Variants in MACROD2 observed in about 807,000 individuals in gnomAD.
MACROD2 encodes mono-ADP ribosylhydrolase 2, also known as ADP-ribose glycohydrolase MACROD2.
A neutral mutation model predicts 70.4 loss-of-function variants in MACROD2; 36 were observed. The observed-to-expected ratio is 0.51, with a 90% confidence interval of 0.39 to 0.68. MACROD2 has a LOEUF of 0.68. MACROD2 is among the 30% of genes least tolerant of loss of function. The probability of loss-of-function intolerance (pLI) is 0.00; values close to 1 mark genes in which losing one functional copy is unlikely to be tolerated. For missense variants in MACROD2, 496 were observed against 538.4 expected, an observed-to-expected ratio of 0.92 and a Z score of 0.78; for synonymous variants, 172 against 178.8, an observed-to-expected ratio of 0.96 and a Z score of 0.30.
At chr20:15,988,322 A>G (rs1427278370) in intron 15 of MACROD2, among the ~76,000 whole-genome samples, 1 of 152,176 alleles carries the variant, frequency 6.6e-6, no homozygotes, top group East Asian at 1.9e-4. Flanking sequence ...CTTACTCAGA[A>G]TCAGATATAT....
chr20:14,397,950 T>TTTG (rs34963387), intron 3 of MACROD2, among the ~76,000 whole-genome samples: 24,529 of 152,070 alleles, frequency 0.16, 2,611 homozygotes, highest in Non-Finnish European at 0.23. Flanking sequence ...TGTGAGCTTT[T>TTTG]TTGTTGTTGT....
chr20:14,243,838 A>G (rs1311946864), intron 3 of MACROD2, among the ~76,000 whole-genome samples: 1 of 152,202 alleles, frequency 6.6e-6, no homozygotes. Flanking sequence ...ATTAGCAAGC[A>G]TTTATAAGCT....
intron 8 of MACROD2, among the ~76,000 whole-genome samples, chr20:15,739,929 A>G (rs1396248211): frequency 6.6e-6 from 1 of 152,254 alleles, no homozygotes; most frequent in Non-Finnish European, 1.5e-5. Context: ...AGAACTTAGG[A>G]TATTGTCTGA....
At chr20:16,031,455 A>C (rs2067150429) in intron 15 of MACROD2, among the ~76,000 whole-genome samples, 1 of 152,166 alleles carries the variant, frequency 6.6e-6, no homozygotes, top group Non-Finnish European at 1.5e-5. Context: ...CATACACTAG[A>C]TCTAGAAATT....
rs190646715 is a variant in MACROD2 at position 14,587,366 on chromosome 20, C to T, written c.301+93858C>T. ...TATTGTCTGCACTTAATTAGAGCTTCGTCTCATTTTCACAATTTTTCAATG... is the reference window on the plus strand; with the variant it reads ...TATTGTCTGCACTTAATTAGAGCTTTGTCTCATTTTCACAATTTTTCAATG... On this transcript the variant is annotated intron_variant, in intron 4 of 17. Coordinates refer to ENST00000684519, the MANE Select transcript of MACROD2 (RefSeq NM_001351661.2). 1.6e-4 allele frequency among the ~76,000 whole-genome samples: 24 copies of T among 151,618 alleles called. No homozygotes were observed. The East Asian group carries it at 3.9e-3, about 24-fold the overall frequency.
intron 3 of MACROD2, among the ~76,000 whole-genome samples, chr20:14,379,829 A>G (rs1310684928): frequency 6.6e-6 from 1 of 152,050 alleles, no homozygotes; most frequent in Non-Finnish European, 1.5e-5. Flanking sequence ...TATTATATTT[A>G]TAGGCCATAT....
At chr20:14,355,027 A>G (rs894921095) in intron 3 of MACROD2, among the ~76,000 whole-genome samples, 1 of 152,170 alleles carries the variant, frequency 6.6e-6, no homozygotes, top group Non-Finnish European at 1.5e-5. Context: ...TCTTTATCCA[A>G]TCCACTAGTG....
At chr20:14,330,493 C>T (rs376369023) in intron 3 of MACROD2, among the ~76,000 whole-genome samples, 59 of 151,972 alleles carry the variant, frequency 3.9e-4, no homozygotes, top group South Asian at 1.0e-3. Context: ...CTCTGCTGAA[C>T]GAGTATGTTA....
chr20:14,422,545 C>A (rs1025321620), intron 3 of MACROD2, among the ~76,000 whole-genome samples: 1 of 151,298 alleles, frequency 6.6e-6, no homozygotes, highest in Non-Finnish European at 1.5e-5. Flanking sequence ...AGCTTTGATT[C>A]CTTTATTATT....
At chr20:15,012,338 G>A (rs944225523) in intron 5 of MACROD2, among the ~76,000 whole-genome samples, 3 of 152,098 alleles carry the variant, frequency 2.0e-5, no homozygotes, top group African/African-American at 7.2e-5. Context: ...TCTACATCAT[G>A]GCTGTTTGTT....
chr20:14,207,255 G>A (rs957408971), intron 3 of MACROD2, among the ~76,000 whole-genome samples: 3 of 151,880 alleles, frequency 2.0e-5, no homozygotes, highest in African/African-American at 4.8e-5. Context: ...ATGCCCCTAC[G>A]CCCAGCTAAT....
At chr20:14,934,423 C>T (rs900884740) in intron 5 of MACROD2, among the ~76,000 whole-genome samples, 2 of 152,128 alleles carry the variant, frequency 1.3e-5, no homozygotes. Context: ...CAACCCGTCT[C>T]CCCATGAGAT....
At chr20:15,388,516 A>G (rs1433673753) in intron 6 of MACROD2, among the ~76,000 whole-genome samples, 2 of 152,158 alleles carry the variant, frequency 1.3e-5, no homozygotes. Context: ...CATTATTTTT[A>G]AGTATGTCTC....
chr20:14,006,097 A>C (rs2052815348), intron 2 of MACROD2, among the ~76,000 whole-genome samples: 1 of 152,200 alleles, frequency 6.6e-6, no homozygotes, highest in Non-Finnish European at 1.5e-5. Context: ...ATTGTGTTAT[A>C]GTTGCCTACA....
chr20:15,107,336 C>T (rs762972093), intron 5 of MACROD2, among the ~76,000 whole-genome samples: 2 of 151,810 alleles, frequency 1.3e-5, no homozygotes, highest in Non-Finnish European at 2.9e-5. Flanking sequence ...TTCTAGGAAG[C>T]TGAGCTGACA....
At chr20:15,791,812 A>G (rs2063627392) in intron 8 of MACROD2, among the ~76,000 whole-genome samples, 1 of 152,076 alleles carries the variant, frequency 6.6e-6, no homozygotes, top group African/African-American at 2.4e-5. Flanking sequence ...GGTATTCTTT[A>G]TAGGAAACCA....
At chr20:15,929,986 T>C (rs540741772) in intron 10 of MACROD2, among the ~76,000 whole-genome samples, 2 of 152,338 alleles carry the variant, frequency 1.3e-5, no homozygotes, top group African/African-American at 2.4e-5. Context: ...TAAAGTGTTA[T>C]ATCACACTCG....
chr20:15,812,268 A>G (rs1270670402), intron 8 of MACROD2, among the ~76,000 whole-genome samples: 1 of 152,136 alleles, frequency 6.6e-6, no homozygotes, highest in Non-Finnish European at 1.5e-5. Context: ...CCTTTCTCTT[A>G]TTATTTTTCA....
chr20:15,230,115 G>A, intron 6 of MACROD2, 54 bp downstream of exon 6: 4 of 1,555,244 alleles, frequency 2.6e-6, no homozygotes, highest in South Asian at 1.2e-5. Flanking sequence ...TTATGCTTTA[G>A]TAATCTGTCT....
Sources: gnomAD v4.1 joint callset for allele counts (sites outside exome capture counted in the v4.1 genomes callset) on GRCh38, gnomAD v4.1.1 for gene constraint, MANE v1.5 for transcripts, NCBI Gene and HGNC (gene_info 2026-07-23, HGNC 2026-07-21) for gene names.